Variants in DNAL1 observed in about 807,000 individuals in gnomAD.
DNAL1 encodes dynein axonemal light chain 1, also known as chromosome 14 open reading frame 168.
In DNAL1, 17 loss-of-function variants were observed where a neutral mutation model predicts 29.4. The observed-to-expected ratio is 0.58, with a 90% confidence interval of 0.40 to 0.87. DNAL1 has a LOEUF of 0.87. DNAL1 is among the 40% of genes least tolerant of loss of function. The probability of loss-of-function intolerance (pLI) is 0.00; values close to 1 mark genes in which losing one functional copy is unlikely to be tolerated. For synonymous variants in DNAL1, 78 were observed against 76.3 expected, an observed-to-expected ratio of 1.02 and a Z score of -0.12; for missense variants, 188 against 214.1, an observed-to-expected ratio of 0.88 and a Z score of 0.76.
rs2140070581 is a variant in DNAL1, at chr14:73,699,349, A to G, written c.*3407A>G. 1 of 149,940 alleles carries G rather than the reference A, an allele frequency of 6.7e-6. No homozygotes were observed. The highest frequency in any genetic ancestry group is 6.7e-5 in the Admixed American group (1 of 15,036). The allele number at this position is 149,940 out of a possible 1,614,324, so 9.3% of individuals were successfully genotyped here. The stretch of plus-strand genomic sequence containing the variant: ...GAGACAGAGTCTCGCTCTGTTACCT[A>G]GGCTGGAGTGCAGTGGCGCAATCTC... On this transcript the variant is annotated 3_prime_UTR_variant, in exon 8 of 8. Coordinates refer to ENST00000553645, the MANE Select transcript of DNAL1 (RefSeq NM_031427.4).
intron 4 of DNAL1, among the ~76,000 whole-genome samples, chr14:73,664,440 T>C (rs754899194): frequency 8.6e-5 from 13 of 151,918 alleles, no homozygotes; most frequent in Non-Finnish European, 1.8e-4. Context: ...GCATTAAAAG[T>C]CATCTAAAAG....
chr14:73,664,873 A>T (rs1271919545), intron 4 of DNAL1, among the ~76,000 whole-genome samples: 3 of 151,728 alleles, frequency 2.0e-5, no homozygotes, highest in East Asian at 1.9e-4. Flanking sequence ...AAAAAAAATA[A>T]AAAAAAATTA....
In DNAL1 at chr14:73,701,111, G is replaced by A. The variant is rs566512078; in HGVS notation, c.*5169G>A. The A allele has an allele frequency of 6.6e-6, 1 of 152,288 alleles. No homozygotes were observed. Among genetic ancestry groups the A allele is most frequent in the South Asian group, 2.1e-4 (1 of 4,830 alleles). 9.4% of individuals were successfully genotyped at this position (152,288 alleles called of 1,614,324 possible). A position where few individuals can be genotyped will look rare whatever the true frequency, so the allele number is the denominator to read the frequency against. On this transcript the variant is annotated 3_prime_UTR_variant, in exon 8 of 8. Transcript: ENST00000553645. ...GATAAACTGATAAAACTTTTTACTTGATATTTGGAGAAGTCATTAACTGGA... is the reference window on the plus strand; with the variant it reads ...GATAAACTGATAAAACTTTTTACTTAATATTTGGAGAAGTCATTAACTGGA...
At position 73,698,486 on chromosome 14, in the gene DNAL1, C is replaced by T. The variant is rs565209134; in HGVS notation, c.*2544C>T. ...GTGCTTCCGGTTTAAGACATTACGC[C>T]ATTTTAGTGGATCATTTAAATTTTT... On this transcript the variant is annotated 3_prime_UTR_variant, in exon 8 of 8. Transcript: ENST00000553645. 6.6e-6 allele frequency: 1 copy of T among 152,092 alleles called. No individual in the cohort carries two copies. The highest frequency in any genetic ancestry group is 2.4e-5 in the African/African-American group (1 of 41,412). 9.4% of individuals were successfully genotyped at this position (152,092 alleles called of 1,614,324 possible). A position where few individuals can be genotyped will look rare whatever the true frequency, so the allele number is the denominator to read the frequency against.
rs1252750318 is a variant in DNAL1, at chr14:73,702,172, ACT to A, written c.*6233_*6234del. 1 of 151,432 alleles carries A rather than the reference ACT, an allele frequency of 6.6e-6. No homozygotes were observed. The highest frequency in any genetic ancestry group is 2.4e-5 in the African/African-American group (1 of 41,126). The allele number at this position is 151,432 out of a possible 1,614,324, so 9.4% of individuals were successfully genotyped here. A position where few individuals can be genotyped will look rare whatever the true frequency, so the allele number is the denominator to read the frequency against. ...TTTGTTTTTTTTGAGACGGAGTCTC[ACT>A]CTGTTGCCCAGGCTGGAGTGCACTG... On this transcript the variant is annotated 3_prime_UTR_variant, in exon 8 of 8. Transcript: ENST00000553645.
chr14:73,694,289 A>AAT (rs1320016357), intron 7 of DNAL1, among the ~76,000 whole-genome samples: 2 of 149,862 alleles, frequency 1.3e-5, no homozygotes, highest in African/African-American at 4.9e-5. Context: ...TAAATAAATA[A>AAT]AGTCTTCAGA....
rs2140031013 is a variant in DNAL1 at position 73,658,940 on chromosome 14, A to G, written c.136A>G (p.Met46Val). Residue 46 changes from methionine (M) to valine (V), a missense_variant, in exon 3 of 8, where the codon ATG becomes GTG. Transcript: ENST00000553645. ...AGAGAAGATGGATGCATCCTTGTCCATGCTTGCTAATTGCGAGTAAGTTCT... is the reference window on the plus strand; with the variant it reads ...AGAGAAGATGGATGCATCCTTGTCCGTGCTTGCTAATTGCGAGTAAGTTCT... ...PIEKMDASLS[M>V]LANCEKLSLS... 6.6e-7 allele frequency: 1 copy of G among 1,518,314 alleles called. No individual in the cohort carries two copies. Among genetic ancestry groups the G allele is most frequent in the Non-Finnish European group, 8.8e-7 (1 of 1,131,372 alleles). 94.1% of individuals were successfully genotyped at this position (1,518,314 alleles called of 1,614,324 possible).
chr14:73,691,852 C>G (rs1008720586), intron 7 of DNAL1, among the ~76,000 whole-genome samples: 7 of 140,670 alleles, frequency 5.0e-5, no homozygotes, highest in African/African-American at 1.0e-4. Flanking sequence ...CGCCACCCCC[C>G]CCCCCCAGCT....
At chr14:73,691,677 G>T in intron 7 of DNAL1, among the ~76,000 whole-genome samples, 1 of 152,056 alleles carries the variant, frequency 6.6e-6, no homozygotes, top group Non-Finnish European at 1.5e-5. Context: ...ATTCAATTCA[G>T]CTGGGCTGTT....
At chr14:73,658,371 T>C (rs1595204381) in intron 2 of DNAL1, among the ~76,000 whole-genome samples, 1 of 152,332 alleles carries the variant, frequency 6.6e-6, no homozygotes, top group East Asian at 1.9e-4. Context: ...TGCTCAGGAT[T>C]GTTTTGGCTA....
chr14:73,645,038 G>C lies in DNAL1; in HGVS notation c.-2G>C. 6.2e-7 allele frequency: 1 copy of C among 1,609,528 alleles called. No homozygotes were observed. Among genetic ancestry groups the C allele is most frequent in the Non-Finnish European group, 8.5e-7 (1 of 1,178,294 alleles). ...AGAGCAGTGACAGTAGCAACCGCCG[G>C]AATGGTGAGTACCTTTCGGGCCGCG... On this transcript the variant is annotated 5_prime_UTR_variant, in exon 1 of 8. Coordinates refer to ENST00000553645, the MANE Select transcript of DNAL1 (RefSeq NM_031427.4).
intron 4 of DNAL1, among the ~76,000 whole-genome samples, chr14:73,666,544 G>C (rs78958544): frequency 0.011 from 1,618 of 152,146 alleles, 28 homozygotes; most frequent in African/African-American, 0.038. Context: ...CCCTACTTAT[G>C]CAGCACATAA....
At chr14:73,663,122 A>G (rs1411671374) in intron 4 of DNAL1, among the ~76,000 whole-genome samples, 1 of 152,056 alleles carries the variant, frequency 6.6e-6, no homozygotes, top group Non-Finnish European at 1.5e-5. Context: ...ATGAATATGC[A>G]TATCAAATAT....
chr14:73,645,476 G>A (rs1466251873), intron 1 of DNAL1, among the ~76,000 whole-genome samples: 1 of 152,186 alleles, frequency 6.6e-6, no homozygotes, highest in East Asian at 1.9e-4. Flanking sequence ...TTCGTAACCT[G>A]TGATGTACCC....
intron 5 of DNAL1, chr14:73,673,176 C>T (rs779669721): frequency 2.6e-5 from 4 of 151,992 alleles, no homozygotes; most frequent in South Asian, 2.1e-4. Context: ...GTGCATAAAG[C>T]GTAAAATATT....
intron 4 of DNAL1, among the ~76,000 whole-genome samples, chr14:73,671,184 G>A (rs1348392895): frequency 4.6e-5 from 7 of 151,882 alleles, no homozygotes; most frequent in Non-Finnish European, 8.8e-5. Context: ...TTATTTTCTA[G>A]TATGAGTTCT....
At chr14:73,668,810 G>A (rs1891546707) in intron 4 of DNAL1, among the ~76,000 whole-genome samples, 1 of 152,074 alleles carries the variant, frequency 6.6e-6, no homozygotes. Context: ...CCGAGTAGCT[G>A]GGATTACAGG....
chr14:73,677,579 C>T (rs1046186993), intron 5 of DNAL1, among the ~76,000 whole-genome samples: 16 of 149,212 alleles, frequency 1.1e-4, no homozygotes, highest in African/African-American at 2.7e-4. Flanking sequence ...TTTTTTGAGA[C>T]GGAGTCTGGC....
chr14:73,699,443 C>CT lies in DNAL1; in HGVS notation c.*3502dup, dbSNP rs1892379967. 6.6e-6 allele frequency: 1 copy of CT among 151,928 alleles called. No individual in the cohort carries two copies. The highest frequency in any genetic ancestry group is 6.6e-5 in the Admixed American group (1 of 15,234). 9.4% of individuals were successfully genotyped at this position (151,928 alleles called of 1,614,324 possible). A position where few individuals can be genotyped will look rare whatever the true frequency, so the allele number is the denominator to read the frequency against. ...GCCTCCGCCTCCCAAGTAGCTGGGA[C>CT]TACAGGCACGCGCCACCATGCCTGG... On this transcript the variant is annotated 3_prime_UTR_variant, in exon 8 of 8. Transcript: ENST00000553645.
Sources: allele counts gnomAD v4.1 joint callset (sites outside exome capture counted in the v4.1 genomes callset), GRCh38; gene constraint gnomAD v4.1.1; transcripts MANE v1.5; gene names NCBI Gene and HGNC (gene_info 2026-07-23, HGNC 2026-07-21).